WWP1: variants seen among roughly 807,000 people sequenced by gnomAD.
WWP1 encodes NEDD4-like E3 ubiquitin-protein ligase WWP1.
A neutral mutation model predicts 130.6 loss-of-function variants in WWP1; 49 were observed. The ratio of observed to expected loss-of-function variants is 0.38; its 90% CI spans 0.30 to 0.48. The LOEUF (loss-of-function observed/expected upper bound fraction) is 0.48, where lower values mean the gene tolerates loss of function less well. Among genes scored for constraint, WWP1 ranks in the 20% least tolerant of loss-of-function variants. The pLI is 0.99. For missense variants in WWP1, 809 were observed against 1,100.6 expected, an observed-to-expected ratio of 0.74 and a Z score of 3.75; for synonymous variants, 332 against 367.8, an observed-to-expected ratio of 0.90 and a Z score of 1.11.
At chr8:86,380,888 GA>G in intron 4 of WWP1, 24 bp downstream of exon 4, 1 of 1,554,482 alleles carries the variant, frequency 6.4e-7, no homozygotes, top group South Asian at 1.3e-5. Context: ...GTAAAGGACG[GA>G]AAATCTTCAC....
At chr8:86,443,317 G>T (rs767360695) in intron 18 of WWP1, among the ~76,000 whole-genome samples, 22 of 151,990 alleles carry the variant, frequency 1.4e-4, no homozygotes, top group Non-Finnish European at 3.2e-4. Flanking sequence ...GAAGTGATCC[G>T]CCTGTCTCGG....
chr8:86,405,300 A>G (rs1005646310), intron 8 of WWP1, among the ~76,000 whole-genome samples: 3 of 150,868 alleles, frequency 2.0e-5, no homozygotes, highest in African/African-American at 7.3e-5. Flanking sequence ...CAGTTCCACA[A>G]TCTTGAAATC....
At chr8:86,406,187 T>C (rs999112099) in intron 8 of WWP1, among the ~76,000 whole-genome samples, 1 of 152,154 alleles carries the variant, frequency 6.6e-6, no homozygotes, top group African/African-American at 2.4e-5. Flanking sequence ...TTGGACAAAT[T>C]GAACATCCTC....
intron 15 of WWP1, 43 bp from the exon 16 acceptor site, chr8:86,435,590 T>C (rs1295148408): frequency 6.2e-7 from 1 of 1,611,574 alleles, no homozygotes. Flanking sequence ...ACAATACATA[T>C]ACTATAACTC....
intron 1 of WWP1, among the ~76,000 whole-genome samples, chr8:86,356,927 T>C (rs1823293388): frequency 6.6e-6 from 1 of 152,218 alleles, no homozygotes; most frequent in Non-Finnish European, 1.5e-5. Flanking sequence ...AATTGTTCTC[T>C]GATGTTGGCC....
At chr8:86,457,843 G>A (rs909161333) in intron 21 of WWP1, 78 bp from the exon 22 acceptor site, 76 of 1,365,752 alleles carry the variant, frequency 5.6e-5, no homozygotes, top group Non-Finnish European at 7.2e-5. Flanking sequence ...GTGCATAACT[G>A]CATTAGGAAA....
intron 22 of WWP1, among the ~76,000 whole-genome samples, chr8:86,458,787 G>C (rs1811592715): frequency 6.6e-6 from 1 of 152,014 alleles, no homozygotes; most frequent in South Asian, 2.1e-4. Flanking sequence ...TATGTTGTGA[G>C]TTTATTGCTT....
Position 86,347,236 on chromosome 8 carries a change from A to G in WWP1, c.-115+4306A>G, listed in dbSNP as rs191795197. Among the ~76,000 whole-genome samples, 188 of 152,256 alleles carry G rather than the reference A, an allele frequency of 1.2e-3. 1 individual carries two copies. Among genetic ancestry groups the G allele is most frequent in the Admixed American group, 0.011 (167 of 15,294 alleles). On this transcript the variant is annotated intron_variant, in intron 1 of 24. Coordinates refer to ENST00000517970, the MANE Select transcript of WWP1 (RefSeq NM_007013.4). ...CTCCTGGACTCGTGGCCCTCCCACC[A>G]TGGCCTTCCAAAGTGCTGGAATTAC...
chr8:86,371,849 T>C (rs1824312739), intron 2 of WWP1, among the ~76,000 whole-genome samples: 1 of 152,000 alleles, frequency 6.6e-6, no homozygotes, highest in African/African-American at 2.4e-5. Context: ...TCACCCTTTT[T>C]TTCTTTTTTT....
intron 14 of WWP1, among the ~76,000 whole-genome samples, chr8:86,433,255 T>C (rs1810093045): frequency 7.2e-6 from 1 of 138,752 alleles, no homozygotes; most frequent in African/African-American, 2.8e-5. Flanking sequence ...TTTTGTTAAC[T>C]ACATTCATTC....
At chr8:86,380,365 T>C (rs1824914730) in intron 3 of WWP1, among the ~76,000 whole-genome samples, 1 of 151,906 alleles carries the variant, frequency 6.6e-6, no homozygotes, top group East Asian at 1.9e-4. Context: ...AGAGGGTTGA[T>C]TGGGAGGAGA....
At chr8:86,440,635 A>G (rs73688837) in intron 17 of WWP1, 1 of 450,120 alleles carries the variant, frequency 2.2e-6, no homozygotes, top group African/African-American at 2.0e-5. Context: ...GGAATATATT[A>G]AGATCTTCCT....
intron 10 of WWP1, among the ~76,000 whole-genome samples, chr8:86,426,199 A>G (rs1433274917): frequency 3.3e-5 from 5 of 152,238 alleles, no homozygotes; most frequent in Admixed American, 2.0e-4. Flanking sequence ...TTTAACTATG[A>G]CAAGATCATC....
intron 8 of WWP1, among the ~76,000 whole-genome samples, chr8:86,406,021 G>A (rs931736942): frequency 1.3e-5 from 2 of 152,160 alleles, no homozygotes; most frequent in Non-Finnish European, 2.9e-5. Context: ...CTTGAGTAAG[G>A]GGATCCATCT....
intron 16 of WWP1, 79 bp from the exon 17 acceptor site, chr8:86,438,506 G>C (rs1289121329): frequency 1.9e-6 from 2 of 1,051,392 alleles, no homozygotes; most frequent in African/African-American, 3.2e-5. Context: ...TTTGAAAATA[G>C]AGATTAAATT....
intron 3 of WWP1, among the ~76,000 whole-genome samples, chr8:86,380,490 G>T (rs1824921834): frequency 6.6e-6 from 1 of 152,180 alleles, no homozygotes; most frequent in Non-Finnish European, 1.5e-5. Flanking sequence ...CCATTGAATT[G>T]TACAGTTTAA....
chr8:86,401,393 C>T (rs1247900382), intron 7 of WWP1, among the ~76,000 whole-genome samples: 2 of 151,926 alleles, frequency 1.3e-5, no homozygotes, highest in African/African-American at 2.4e-5. Flanking sequence ...GATCCAGTCT[C>T]TACAAAAATT....
chr8:86,387,079 T>C (rs1470633361), intron 5 of WWP1: 2 of 152,226 alleles, frequency 1.3e-5, no homozygotes, highest in South Asian at 4.1e-4. Flanking sequence ...CCCTAATTTT[T>C]AATACTATCA....
intron 5 of WWP1, among the ~76,000 whole-genome samples, chr8:86,387,695 G>T (rs1025149343): frequency 6.6e-6 from 1 of 151,862 alleles, no homozygotes; most frequent in African/African-American, 2.4e-5. Flanking sequence ...GCTCATTTTT[G>T]TATTTTTTGG....
Sources: allele counts gnomAD v4.1 joint callset (sites outside exome capture counted in the v4.1 genomes callset), GRCh38; gene constraint gnomAD v4.1.1; transcripts MANE v1.5; gene names NCBI Gene and HGNC (gene_info 2026-07-23, HGNC 2026-07-21).